TOR2A: variants seen among roughly 807,000 people sequenced by gnomAD.
The protein encoded by TOR2A is prosalusin.
TOR2A carries 24 observed loss-of-function variants against 28.6 expected under a neutral mutation model. The ratio of observed to expected loss-of-function variants is 0.84; its 90% confidence interval spans 0.61 to 1.18. TOR2A has a LOEUF of 1.18. TOR2A is among the 50% of genes most tolerant of loss of function. The pLI, the probability that TOR2A is intolerant of heterozygous loss-of-function variation, is 0.00. For missense variants in TOR2A, 426 were observed against 448.1 expected (o/e 0.95, Z 0.45); for synonymous variants, 203 against 203.1 (o/e 1.00, Z 0.00).
Position 127,731,881 on chromosome 9 carries a change from G to GT in TOR2A, c.*152dup. On this transcript the variant is annotated 3_prime_UTR_variant, in exon 5 of 5. Transcript: ENST00000373284. ...CCGGGGCCAAGATGCTCTCGAGCCA[G>GT]TTTAGAGGCCAGGGCCCTTCCTGGC... The GT allele has an allele frequency of 6.9e-7, 1 of 1,450,688 alleles. No individual in the cohort carries two copies. Among genetic ancestry groups the GT allele is most frequent in the East Asian group, 2.4e-5 (1 of 41,018 alleles). The allele number at this position is 1,450,688 out of a possible 1,614,324, so 89.9% of individuals were successfully genotyped here. A position where few individuals can be genotyped will look rare whatever the true frequency, so the allele number is the denominator to read the frequency against.
intron 2 of TOR2A, chr9:127,733,878 G>A (rs1197372024): frequency 3.0e-5 from 13 of 433,470 alleles, no homozygotes; most frequent in East Asian, 7.8e-5. Context: ...CAGTGTTGAC[G>A]GCTGAAACTG....
intron 4 of TOR2A, 107 bp from the exon 5 acceptor site, chr9:127,732,385 G>C (rs1210390000): frequency 1.4e-6 from 2 of 1,471,500 alleles, no homozygotes; most frequent in African/African-American, 1.4e-5. Context: ...AGTTCCCTCA[G>C]CCGCCTTCTG....
At chr9:127,734,736 CTGA>C in intron 1 of TOR2A, 172 bp from the exon 2 acceptor site, 1 of 777,830 alleles carries the variant, frequency 1.3e-6, no homozygotes, top group South Asian at 3.2e-5. Context: ...ACCTTCGGGC[CTGA>C]TTCAGCTCGG....
At position 127,731,916 on chromosome 9, in the gene TOR2A, C is replaced by T. The variant is rs998363279; in HGVS notation, c.*118G>A. 35 of 1,505,372 alleles carry T rather than the reference C, an allele frequency of 2.3e-5. No homozygotes were observed. Among genetic ancestry groups the T allele is most frequent in the Middle Eastern group, 2.4e-4 (1 of 4,196 alleles). 93.3% of individuals were successfully genotyped at this position (1,505,372 alleles called of 1,614,324 possible). A position where few individuals can be genotyped will look rare whatever the true frequency, so the allele number is the denominator to read the frequency against. On this transcript the variant is annotated 3_prime_UTR_variant, in exon 5 of 5. Transcript: ENST00000373284. ...CAGGGCCCTTCCTGGCCATCTGTCC[C>T]GTGGCCTAGCCGACACTCCGTTCAT...
intron 4 of TOR2A, 73 bp downstream of exon 4, chr9:127,732,491 G>A: frequency 6.7e-7 from 1 of 1,482,754 alleles, no homozygotes; most frequent in Non-Finnish European, 8.9e-7. Flanking sequence ...GGCAAAGCAT[G>A]AGACCCCGGG....
At position 127,732,165 on chromosome 9, in the gene TOR2A, G is replaced by A; in HGVS notation, c.835C>T (p.Leu279=). The change falls in exon 5 of 5, where the codon CTG becomes TTG. Residue 279 remains leucine, a synonymous_variant. Transcript: ENST00000373284. The stretch of plus-strand genomic sequence containing the variant: ...ACCTCATCCCTTGGCTCCAGGCCCA[G>A]CTGGGCCAGCTCGTTGAGCACGCAG... The part of the protein sequence containing the change: ...RHCVLNELAQ[L]GLEPRDEVVQ... 1.9e-6 allele frequency: 3 copies of A among 1,613,508 alleles called. No homozygotes were observed. The highest frequency in any genetic ancestry group is 2.5e-6 in the Non-Finnish European group (3 of 1,179,996).
chr9:127,734,843 G>A, intron 1 of TOR2A: 1 of 523,970 alleles, frequency 1.9e-6, no homozygotes, highest in Middle Eastern at 5.1e-4. Flanking sequence ...TCCCCAAGGC[G>A]CACTGCACTT....
chr9:127,732,965 C>T (rs1186490559), intron 3 of TOR2A: 7 of 1,386,252 alleles, frequency 5.0e-6, no homozygotes, highest in African/African-American at 1.5e-5. Flanking sequence ...GGCATCGGGG[C>T]ATCATTATTG....
chr9:127,732,960 C>G, intron 3 of TOR2A: 1 of 1,391,444 alleles, frequency 7.2e-7, no homozygotes, highest in Non-Finnish European at 9.4e-7. Context: ...AGGAAGGCAT[C>G]GGGGCATCAT....
chr9:127,732,961 G>A lies in TOR2A; in HGVS notation c.594-270C>T, dbSNP rs1462653653. On this transcript the variant is annotated intron_variant, in intron 3 of 4. Transcript: ENST00000373284. ...CTCACTGAACTTCCAGGAAGGCATC[G>A]GGGCATCATTATTGGCCCCGCTGTT... The A allele has an allele frequency of 2.9e-5, 40 of 1,389,740 alleles. 1 individual carries two copies. Among genetic ancestry groups the A allele is most frequent in the Non-Finnish European group, 3.5e-5 (37 of 1,067,020 alleles). 86.1% of individuals were successfully genotyped at this position (1,389,740 alleles called of 1,614,324 possible).
At chr9:127,732,753 C>T (rs920073208) in intron 3 of TOR2A, 62 bp from the exon 4 acceptor site, 14 of 1,522,220 alleles carry the variant, frequency 9.2e-6, no homozygotes, top group Non-Finnish European at 1.2e-5. Context: ...CAGGATTGGA[C>T]CCTCGCTTCC....
rs1383753353 is a variant in TOR2A at position 127,734,354 on chromosome 9, T to C, written c.362A>G (p.His121Arg). ...GAAGTGGAGGACGGGAGAAAAGTGG[T>C]GCACGCGGGGGCTGCGGAGGCCGCC... is the stretch of plus-strand genomic sequence containing the variant. ...FQGGLRSPRV[H>R]HFSPVLHFPH... The change falls in exon 2 of 5, where the codon CAC becomes CGC. Residue 121 changes from histidine (H) to arginine (R), a missense_variant. Coordinates refer to ENST00000373284, the MANE Select transcript of TOR2A (RefSeq NM_001085347.3). The C allele has an allele frequency of 1.5e-5, 24 of 1,610,688 alleles. No individual in the cohort carries two copies. The highest frequency in any genetic ancestry group is 6.7e-5 in the African/African-American group (5 of 74,852).
rs746874804 is a variant in TOR2A at position 127,734,369 on chromosome 9, C to T, written c.347G>A (p.Arg116His). The T allele has an allele frequency of 3.1e-6, 5 of 1,612,076 alleles. No homozygotes were observed. The South Asian group carries it at 4.4e-5, about 14-fold the overall frequency. The change falls in exon 2 of 5, where the codon CGC becomes CAC. Residue 116 changes from arginine to histidine, a missense_variant. Transcript: ENST00000373284. Reference protein sequence around the residue: ...LAHYLFQGGLRSPRVHHFSPV... With the variant: ...LAHYLFQGGLHSPRVHHFSPV... Reference sequence around the variant, plus strand: ...AGAAAAGTGGTGCACGCGGGGGCTGCGGAGGCCGCCCTGGAAGAGGTAGTG... The same window carrying T: ...AGAAAAGTGGTGCACGCGGGGGCTGTGGAGGCCGCCCTGGAAGAGGTAGTG...
In TOR2A at chr9:127,732,014, C is replaced by T. The variant is rs201614715; in HGVS notation, c.*20G>A. 8.7e-5 allele frequency: 139 copies of T among 1,605,074 alleles called. No individual in the cohort carries two copies. The East Asian group carries it at 2.8e-3, about 33-fold the overall frequency. ...TGCATGGCCTGGCCATCAGGGGGGC[C>T]GAGGACACCACTCAGAGAGTCAGAG... On this transcript the variant is annotated 3_prime_UTR_variant, in exon 5 of 5. Coordinates refer to ENST00000373284, the MANE Select transcript of TOR2A (RefSeq NM_001085347.3).
chr9:127,731,685 T>C lies in TOR2A; in HGVS notation c.*349A>G. ...AGGGTGTGGGGTGGAGGGGAGGAGG[T>C]ATGGTGCCCGACCAAGGAGGCAAGG... is the stretch of plus-strand genomic sequence containing the variant. On this transcript the variant is annotated 3_prime_UTR_variant, in exon 5 of 5. Transcript: ENST00000373284. 1.3e-6 allele frequency: 1 copy of C among 758,222 alleles called. No individual in the cohort carries two copies. The highest frequency in any genetic ancestry group is 2.3e-5 in the South Asian group (1 of 42,796). 47.0% of individuals were successfully genotyped at this position (758,222 alleles called of 1,614,324 possible). A position where few individuals can be genotyped will look rare whatever the true frequency, so the allele number is the denominator to read the frequency against.
At chr9:127,733,090 T>G in intron 3 of TOR2A, 1 of 1,486,244 alleles carries the variant, frequency 6.7e-7, no homozygotes, top group Non-Finnish European at 8.9e-7. Flanking sequence ...CTGTTCCTAT[T>G]TTTCCCAGGC....
chr9:127,735,014 GT>G, intron 1 of TOR2A, 105 bp downstream of exon 1: 2 of 1,327,108 alleles, frequency 1.5e-6, no homozygotes, highest in Non-Finnish European at 1.9e-6. Context: ...CACCCTCTGG[GT>G]CCTCAGCTTC....
chr9:127,732,893 T>C (rs1205354025), intron 3 of TOR2A: 7 of 1,420,312 alleles, frequency 4.9e-6, no homozygotes, highest in Non-Finnish European at 6.4e-6. Flanking sequence ...GCCACGTACT[T>C]TATAGTTTAC....
chr9:127,732,746 G>T lies in TOR2A; in HGVS notation c.594-55C>A, dbSNP rs191287375. On this transcript the variant is annotated intron_variant, in intron 3 of 4. Coordinates refer to ENST00000373284, the MANE Select transcript of TOR2A (RefSeq NM_001085347.3). ...TCAGATGAGGACTAGCGCAGGGCAG[G>T]ATTGGACCCTCGCTTCCCCGCTGCC... The T allele has an allele frequency of 1.6e-4, 247 of 1,532,490 alleles. 4 individuals carry two copies. In the East Asian group the frequency reaches 5.1e-3, roughly 32 times the overall value. 94.9% of individuals were successfully genotyped at this position (1,532,490 alleles called of 1,614,324 possible).
Sources: allele counts gnomAD v4.1 joint callset, GRCh38; gene constraint gnomAD v4.1.1; transcripts MANE v1.5; gene names NCBI Gene and HGNC (gene_info 2026-07-23, HGNC 2026-07-21).